Variants in CDH13 observed in about 807,000 individuals in gnomAD.
CDH13 encodes cadherin 13, also known as cadherin-13.
Under a neutral mutation model 63.8 loss-of-function variants are expected in CDH13, and 24 were observed. That is an observed-to-expected ratio of 0.38 (90% CI 0.27 to 0.53). CDH13 has a LOEUF of 0.53. Among genes scored for constraint, CDH13 ranks in the 20% least tolerant of loss-of-function variants. The pLI is 0.85. For missense variants in CDH13, 1,049 were observed against 903.1 expected, an observed-to-expected ratio of 1.16 and a Z score of -2.07; for synonymous variants, 503 against 355.3, an observed-to-expected ratio of 1.42 and a Z score of -4.67.
intron 6 of CDH13, among the ~76,000 whole-genome samples, chr16:83,456,063 C>T (rs1331706078): frequency 6.6e-6 from 1 of 152,224 alleles, no homozygotes; most frequent in Non-Finnish European, 1.5e-5. Flanking sequence ...ACCTGCGTTC[C>T]AATATCCAGC....
chr16:83,223,900 T>C (rs2039772426), intron 5 of CDH13, among the ~76,000 whole-genome samples: 1 of 152,088 alleles, frequency 6.6e-6, no homozygotes, highest in Non-Finnish European at 1.5e-5. Context: ...GTAAGTTCTT[T>C]AGTGGTGGTT....
intron 2 of CDH13, among the ~76,000 whole-genome samples, chr16:83,031,178 G>T (rs912921875): frequency 7.0e-6 from 1 of 143,014 alleles, no homozygotes; most frequent in African/African-American, 2.6e-5. Context: ...ATATACATGC[G>T]CATGTATACA....
At chr16:82,824,941 T>A (rs914361318) in intron 1 of CDH13, 4 of 152,164 alleles carry the variant, frequency 2.6e-5, no homozygotes, top group Non-Finnish European at 5.9e-5. Flanking sequence ...ATACTTTTAA[T>A]CTTTTACAGA....
chr16:83,704,507 A>T (rs959742948), intron 10 of CDH13, among the ~76,000 whole-genome samples: 3 of 152,160 alleles, frequency 2.0e-5, no homozygotes, highest in Non-Finnish European at 4.4e-5. Flanking sequence ...TGTATCTCAG[A>T]GCAGGCACCA....
chr16:83,422,482 TA>T (rs2071746756), intron 6 of CDH13, among the ~76,000 whole-genome samples: 1 of 152,228 alleles, frequency 6.6e-6, no homozygotes. Context: ...CTTATAGTAT[TA>T]ATGCTTATAA....
intron 4 of CDH13, among the ~76,000 whole-genome samples, chr16:83,130,204 T>C (rs56791648): frequency 0.46 from 70,435 of 152,112 alleles, 18,176 homozygotes; most frequent in Non-Finnish European, 0.57. Flanking sequence ...ACTTTTCATC[T>C]ATTATGTTGA....
chr16:83,023,347 A>T (rs912680882), intron 2 of CDH13, among the ~76,000 whole-genome samples: 1 of 151,706 alleles, frequency 6.6e-6, no homozygotes, highest in African/African-American at 2.4e-5. Context: ...AGATTATCTC[A>T]AAGAATGATG....
intron 6 of CDH13, among the ~76,000 whole-genome samples, chr16:83,374,809 C>G (rs1223579703): frequency 1.3e-5 from 2 of 152,218 alleles, no homozygotes; most frequent in Non-Finnish European, 2.9e-5. Flanking sequence ...CTCACACAGA[C>G]TCCAACCACT....
chr16:82,965,346 A>C (rs1166364077), intron 2 of CDH13, among the ~76,000 whole-genome samples: 3 of 152,210 alleles, frequency 2.0e-5, no homozygotes. Flanking sequence ...GGAGGAGACA[A>C]AGATGCAAAA....
At chr16:83,245,529 C>T (rs950221033) in intron 5 of CDH13, among the ~76,000 whole-genome samples, 17 of 152,188 alleles carry the variant, frequency 1.1e-4, no homozygotes, top group African/African-American at 3.9e-4. Flanking sequence ...ATCTAGGCTT[C>T]GAGTTAATAG....
intron 4 of CDH13, among the ~76,000 whole-genome samples, chr16:83,204,190 C>G (rs2039115331): frequency 6.6e-6 from 1 of 152,178 alleles, no homozygotes. Context: ...AGTGCTCCTA[C>G]CCAACTCAGG....
intron 5 of CDH13, among the ~76,000 whole-genome samples, chr16:83,316,023 G>A (rs2090097701): frequency 6.6e-6 from 1 of 152,182 alleles, no homozygotes; most frequent in South Asian, 2.1e-4. Flanking sequence ...CAGGGCTTAG[G>A]AGGCCTCAGG....
intron 8 of CDH13, among the ~76,000 whole-genome samples, chr16:83,663,822 C>G (rs1396796248): frequency 2.6e-5 from 4 of 152,118 alleles, no homozygotes; most frequent in Non-Finnish European, 5.9e-5. Context: ...CACCACTCCG[C>G]ATCTTCAAAG....
chr16:82,800,091 T>C (rs1156519418), intron 1 of CDH13, among the ~76,000 whole-genome samples: 3 of 152,200 alleles, frequency 2.0e-5, no homozygotes, highest in Non-Finnish European at 4.4e-5. Flanking sequence ...GGAAGACCCT[T>C]TGGTTGGCTG....
chr16:83,591,072 A>C (rs941817675), intron 7 of CDH13, among the ~76,000 whole-genome samples: 4 of 151,946 alleles, frequency 2.6e-5, no homozygotes, highest in East Asian at 3.9e-4. Flanking sequence ...CACCACACCC[A>C]GCTAATTTTT....
At chr16:82,787,643 G>A (rs968539873) in intron 1 of CDH13, among the ~76,000 whole-genome samples, 9 of 152,192 alleles carry the variant, frequency 5.9e-5, no homozygotes, top group Non-Finnish European at 1.3e-4. Context: ...AAATGGACAG[G>A]TGGGACCTAG....
At chr16:83,519,788 A>G (rs1035995165) in intron 7 of CDH13, among the ~76,000 whole-genome samples, 9 of 152,196 alleles carry the variant, frequency 5.9e-5, no homozygotes, top group African/African-American at 2.2e-4. Flanking sequence ...CAATCCTCCC[A>G]GTGTGAATGG....
intron 1 of CDH13, among the ~76,000 whole-genome samples, chr16:82,700,696 A>G (rs570513022): frequency 3.9e-5 from 6 of 152,232 alleles, no homozygotes; most frequent in African/African-American, 1.2e-4. Flanking sequence ...AGAAGATCAC[A>G]GCTTCTCATC....
At chr16:82,916,350 T>C (rs1167781253) in intron 2 of CDH13, among the ~76,000 whole-genome samples, 1 of 151,950 alleles carries the variant, frequency 6.6e-6, no homozygotes, top group Non-Finnish European at 1.5e-5. Context: ...CCGAAGCGAG[T>C]GGATGACGAG....
Sources: allele counts gnomAD v4.1 joint callset (sites outside exome capture counted in the v4.1 genomes callset), GRCh38; gene constraint gnomAD v4.1.1; transcripts MANE v1.5; gene names NCBI Gene and HGNC (gene_info 2026-07-23, HGNC 2026-07-21).